AK7: variants seen among roughly 807,000 people sequenced by gnomAD.
The protein encoded by AK7 is adenylate kinase 7.
AK7 carries 78 observed loss-of-function variants against 96.6 expected under a neutral mutation model. That is an observed-to-expected ratio of 0.81 (90% confidence interval 0.67 to 0.97). The LOEUF (loss-of-function observed/expected upper bound fraction) is 0.97. Ranked by LOEUF, AK7 falls within the 50% of genes least tolerant of loss-of-function variation. AK7 has a pLI of 0.00. For synonymous variants in AK7, 302 were observed against 317.2 expected (o/e 0.95, Z 0.51); for missense variants, 855 against 887.9 (o/e 0.96, Z 0.47).
At chr14:96,423,398 A>G (rs997468108) in intron 5 of AK7, among the ~76,000 whole-genome samples, 12 of 152,098 alleles carry the variant, frequency 7.9e-5, no homozygotes, top group African/African-American at 2.9e-4. Flanking sequence ...TTTCTGCCAA[A>G]TTTTTTCTTT....
intron 9 of AK7, among the ~76,000 whole-genome samples, chr14:96,450,905 G>A (rs1324006237): frequency 1.3e-5 from 2 of 150,438 alleles, no homozygotes; most frequent in African/African-American, 4.9e-5. Context: ...CTCCCAAGCA[G>A]CTGGGACTAC....
chr14:96,449,924 T>A (rs780236032), intron 9 of AK7, 45 bp downstream of exon 9: 1 of 1,335,912 alleles, frequency 7.5e-7, no homozygotes, highest in South Asian at 1.3e-5. Flanking sequence ...TCTTTCTCAA[T>A]AATATGGAGT....
At chr14:96,479,209 T>C (rs1312317199) in intron 15 of AK7, among the ~76,000 whole-genome samples, 1 of 152,022 alleles carries the variant, frequency 6.6e-6, no homozygotes, top group Admixed American at 6.6e-5. Context: ...CCCGAGTAGC[T>C]GGGACTACAG....
intron 6 of AK7, among the ~76,000 whole-genome samples, chr14:96,442,504 A>G (rs1257293331): frequency 6.6e-6 from 1 of 151,754 alleles, no homozygotes; most frequent in Non-Finnish European, 1.5e-5. Flanking sequence ...GCTACACATT[A>G]TTTCTCTTGG....
chr14:96,401,646 C>G (rs192331447), intron 2 of AK7, among the ~76,000 whole-genome samples: 1 of 152,024 alleles, frequency 6.6e-6, no homozygotes, highest in African/African-American at 2.4e-5. Flanking sequence ...CACATATGCT[C>G]AAATTGGAAT....
intron 5 of AK7, among the ~76,000 whole-genome samples, chr14:96,428,668 G>C (rs1892170948): frequency 6.6e-6 from 1 of 152,224 alleles, no homozygotes; most frequent in Non-Finnish European, 1.5e-5. Flanking sequence ...ACTGGTGTGA[G>C]ATGGTATCTC....
intron 5 of AK7, among the ~76,000 whole-genome samples, chr14:96,433,906 A>G (rs575046765): frequency 6.6e-6 from 1 of 152,170 alleles, no homozygotes. Flanking sequence ...ATTTTTAAAA[A>G]TTATTTCAAT....
chr14:96,477,674 TC>T (rs1802892196), intron 14 of AK7, among the ~76,000 whole-genome samples: 1 of 152,240 alleles, frequency 6.6e-6, no homozygotes, highest in Admixed American at 6.5e-5. Context: ...AAAATGGTCA[TC>T]ATTATTAACA....
intron 15 of AK7, among the ~76,000 whole-genome samples, chr14:96,479,286 C>T (rs899113410): frequency 6.6e-6 from 1 of 151,922 alleles, no homozygotes; most frequent in African/African-American, 2.4e-5. Context: ...ACTGTGTTAG[C>T]CAGGATGGTC....
intron 1 of AK7, among the ~76,000 whole-genome samples, chr14:96,395,535 A>G (rs1448189035): frequency 6.6e-6 from 1 of 151,938 alleles, no homozygotes; most frequent in Non-Finnish European, 1.5e-5. Context: ...TGATATGAAC[A>G]TGATTGAGAT....
chr14:96,446,580 T>C lies in AK7; in HGVS notation c.843T>C (p.Ser281=). 6.2e-7 allele frequency: 1 copy of C among 1,614,164 alleles called. No homozygotes were observed. The highest frequency in any genetic ancestry group is 8.5e-7 in the Non-Finnish European group (1 of 1,179,992). ...ACTACCTGGTTGCTGTGGATGAGTC[T>C]GTTCATACCCTGGAAGACATAGTCA... ...KPHYLVAVDE[S]VHTLEDIVKC... The change falls in exon 8 of 18, where the codon TCT becomes TCC. Residue 281 remains serine (S), a synonymous_variant. Transcript: ENST00000267584.
Position 96,392,224 on chromosome 14 carries a change from C to T in AK7, c.70C>T (p.Leu24=). The T allele has an allele frequency of 6.2e-7, 1 of 1,613,530 alleles. No individual in the cohort carries two copies. The highest frequency in any genetic ancestry group is 8.5e-7 in the Non-Finnish European group (1 of 1,179,510). ...VIRTQRVFIN[L]LDSYSSGNIG... ...CCGGACCCAGAGGGTGTTTATAAACCTGTTGGATTCCTACAGCAGCGGAAA... is the reference window on the plus strand; with the variant it reads ...CCGGACCCAGAGGGTGTTTATAAACTTGTTGGATTCCTACAGCAGCGGAAA... The change falls in exon 1 of 18, where the codon CTG becomes TTG. Residue 24 remains leucine (L), a synonymous_variant. Transcript: ENST00000267584.
Position 96,421,182 on chromosome 14 carries a change from G to A in AK7, c.609+250G>A, listed in dbSNP as rs144761450. ...TGAAAAGCTGTTTGGCCCAAAAGAG[G>A]CAAATAACTCAGAGTTGTAATGGGG... On this transcript the variant is annotated intron_variant, in intron 5 of 17. Transcript: ENST00000267584. Among the ~76,000 whole-genome samples, 200 of 152,196 alleles carry A rather than the reference G, an allele frequency of 1.3e-3. 1 individual carries two copies. Among genetic ancestry groups the A allele is most frequent in the Middle Eastern group, 3.4e-3 (1 of 294 alleles).
chr14:96,449,583 G>A (rs1361871502), intron 8 of AK7, among the ~76,000 whole-genome samples: 5 of 152,090 alleles, frequency 3.3e-5, no homozygotes, highest in African/African-American at 7.2e-5. Flanking sequence ...ACATGCACAC[G>A]CCACCACGCC....
chr14:96,464,955 T>G (rs1595449009), intron 12 of AK7, among the ~76,000 whole-genome samples: 1 of 152,142 alleles, frequency 6.6e-6, no homozygotes, highest in Admixed American at 6.5e-5. Flanking sequence ...CATGACCAAG[T>G]CTCCAGACCC....
At chr14:96,460,461 G>C (rs553883335) in intron 12 of AK7, among the ~76,000 whole-genome samples, 1 of 152,246 alleles carries the variant, frequency 6.6e-6, no homozygotes, top group African/African-American at 2.4e-5. Context: ...GGCCAACTCG[G>C]ATGTAAGTTG....
intron 14 of AK7, among the ~76,000 whole-genome samples, chr14:96,475,927 C>T (rs1895150396): frequency 6.6e-6 from 1 of 151,478 alleles, no homozygotes; most frequent in South Asian, 2.1e-4. Flanking sequence ...GGTGGTGAGC[C>T]TTGATCATGC....
chr14:96,478,195 G>C (rs1441286982), intron 14 of AK7, among the ~76,000 whole-genome samples: 1 of 150,870 alleles, frequency 6.6e-6, no homozygotes, highest in Non-Finnish European at 1.5e-5. Flanking sequence ...GGCGGGGGAA[G>C]GGAGGGAGGA....
chr14:96,406,915 G>A (rs1890743954), intron 3 of AK7, among the ~76,000 whole-genome samples: 1 of 152,118 alleles, frequency 6.6e-6, no homozygotes, highest in Non-Finnish European at 1.5e-5. Flanking sequence ...CTGGCCTCAA[G>A]CGATCCTCAG....
Sources: gnomAD v4.1 joint callset for allele counts (sites outside exome capture counted in the v4.1 genomes callset) on GRCh38, gnomAD v4.1.1 for gene constraint, MANE v1.5 for transcripts, NCBI Gene and HGNC (gene_info 2026-07-23, HGNC 2026-07-21) for gene names.